LATS1: variants seen among roughly 807,000 people sequenced by gnomAD.
LATS1 encodes serine/threonine-protein kinase LATS1.
LATS1 carries 25 observed loss-of-function variants against 106.6 expected under a neutral mutation model. The observed-to-expected ratio is 0.23, with a 90% CI of 0.17 to 0.33. The LOEUF (loss-of-function observed/expected upper bound fraction) is 0.33. LATS1 is among the 10% of genes least tolerant of loss of function. The pLI is 1.00. For missense variants in LATS1, 1,040 were observed against 1,382.6 expected (o/e 0.75, Z 3.93); for synonymous variants, 465 against 455.6 (o/e 1.02, Z -0.26).
chr6:149,684,379 G>T lies in LATS1; in HGVS notation c.710C>A (p.Pro237Gln), dbSNP rs56149740. 747 of 1,613,882 alleles carry T rather than the reference G, an allele frequency of 4.6e-4. 4 individuals carry two copies. In the East Asian group the frequency reaches 0.015, roughly 32 times the overall value. ...HPSNGQRVNP[P>Q]PPPQVRSVTP... ...AACACTCCTTACTTGAGGTGGTGGT[G>T]GGGGGTTCACTCTCTGTCCGTTGCT... The change falls in exon 4 of 8, where the codon CCA (proline) becomes CAA (glutamine). Residue 237 changes from proline to glutamine, a missense_variant. By Grantham distance (76) the Pro-to-Gln change is moderately conservative. This residue lies in a region of LATS1 where 624 missense variants were observed against 714.8 expected (regional missense o/e 0.87). Transcript: ENST00000543571.
chr6:149,676,321 A>G lies in LATS1; in HGVS notation c.2822T>C (p.Phe941Ser). 1 of 1,613,848 alleles carries G rather than the reference A, an allele frequency of 6.2e-7. No homozygotes were observed. Among genetic ancestry groups the G allele is most frequent in the Non-Finnish European group, 8.5e-7 (1 of 1,179,728 alleles). Residue 941 changes from phenylalanine (F) to serine (S), a missense_variant, in exon 7 of 8, where the codon TTT (phenylalanine) becomes TCT (serine). Phe to Ser is a radical substitution (Grantham distance 155, BLOSUM62 -2). Transcript: ENST00000543571. ...CDWWSVGVIL[F>S]EMLVGQPPFL... is the part of the protein sequence containing the mutation. ...AGGAGGTTGTCCCACCAACATTTCA[A>G]AAAGAATAACACCAACACTCCACCA... is the stretch of plus-strand genomic sequence containing the variant.
chr6:149,675,215 CAAA>C (rs67049932), intron 7 of LATS1, among the ~76,000 whole-genome samples: 19 of 111,586 alleles, frequency 1.7e-4, no homozygotes, highest in Admixed American at 3.5e-4. Context: ...GACTCTGTAT[CAAA>C]AAAAAAAAAA....
chr6:149,713,415 C>T (rs1386480411), intron 1 of LATS1, among the ~76,000 whole-genome samples: 7 of 151,920 alleles, frequency 4.6e-5, no homozygotes, highest in Non-Finnish European at 1.0e-4. Flanking sequence ...CTGCCTCAGC[C>T]TCCCAAGTAG....
chr6:149,694,932 C>A, intron 3 of LATS1, 142 bp downstream of exon 3: 1 of 661,522 alleles, frequency 1.5e-6, no homozygotes, highest in South Asian at 2.6e-5. Context: ...TTTGGTATAA[C>A]ATTATAATGT....
At chr6:149,679,575 TTGTC>T (rs1370543445) in intron 5 of LATS1, among the ~76,000 whole-genome samples, 2 of 152,028 alleles carry the variant, frequency 1.3e-5, no homozygotes, top group Non-Finnish European at 2.9e-5. Flanking sequence ...AAAAAATTGT[TTGTC>T]TGGCATATTT....
At chr6:149,692,796 T>C (rs2114889710) in intron 3 of LATS1, among the ~76,000 whole-genome samples, 1 of 152,008 alleles carries the variant, frequency 6.6e-6, no homozygotes, top group South Asian at 2.1e-4. Flanking sequence ...TGCCTGAGCC[T>C]CTCAAGTAGC....
At chr6:149,675,491 G>A (rs1781668251) in intron 7 of LATS1, among the ~76,000 whole-genome samples, 1 of 152,088 alleles carries the variant, frequency 6.6e-6, no homozygotes. Flanking sequence ...AAGGAGACAA[G>A]GCCAGGAGGC....
In LATS1 at chr6:149,676,266, TTG is replaced by T. The variant is rs1217122826; in HGVS notation, c.2875_2876del (p.Gln959AsnfsTer17). 6.2e-7 allele frequency: 1 copy of T among 1,604,156 alleles called. No homozygotes were observed. The highest frequency in any genetic ancestry group is 8.5e-7 in the Non-Finnish European group (1 of 1,170,946). On this transcript the variant is annotated frameshift_variant, in exon 7 of 8. Transcript: ENST00000543571. LOFTEE classifies it high-confidence loss of function. ...PFLAQTPLET[Q>X]MKVINWQTSL... ...TATAGATGCCATACCTTACCTTCAT[TTG>T]TGTTTCTAATGGTGTTTGTGCCAAG...
chr6:149,692,858 G>C (rs1782845033), intron 3 of LATS1, among the ~76,000 whole-genome samples: 1 of 151,920 alleles, frequency 6.6e-6, no homozygotes, highest in South Asian at 2.1e-4. Flanking sequence ...ATTTTTAGTA[G>C]AGACGAGGTT....
chr6:149,679,379 C>T (rs1227633776), intron 5 of LATS1, among the ~76,000 whole-genome samples: 1 of 151,720 alleles, frequency 6.6e-6, no homozygotes, highest in African/African-American at 2.4e-5. Context: ...TGGTGAAACC[C>T]CATCTCTATT....
chr6:149,697,489 G>A (rs544984693), intron 2 of LATS1, among the ~76,000 whole-genome samples: 9 of 152,100 alleles, frequency 5.9e-5, no homozygotes, highest in African/African-American at 1.7e-4. Context: ...TGAGCTAATC[G>A]TAATTAACTG....
At chr6:149,690,679 TGGGACTACA>T in intron 3 of LATS1, among the ~76,000 whole-genome samples, 1 of 151,878 alleles carries the variant, frequency 6.6e-6, no homozygotes, top group Non-Finnish European at 1.5e-5. Flanking sequence ...CCTGAGTAGG[TGGGACTACA>T]GGCACATGTC....
chr6:149,707,104 C>T (rs1262061667), intron 1 of LATS1, among the ~76,000 whole-genome samples: 5 of 150,056 alleles, frequency 3.3e-5, no homozygotes, highest in African/African-American at 4.9e-5. Flanking sequence ...CAACCTCTGC[C>T]TCCCTGGTTC....
rs370088696 is a variant in LATS1, at chr6:149,687,322, C to G, written c.497-2730G>C. On this transcript the variant is annotated intron_variant, in intron 3 of 7. Coordinates refer to ENST00000543571, the MANE Select transcript of LATS1 (RefSeq NM_004690.4). ...GTCAGGCTGGTCTTGAACTCCTGACCTCAGGTGATCCGCCCACCTCAGCAT... is the reference window on the plus strand; with the variant it reads ...GTCAGGCTGGTCTTGAACTCCTGACGTCAGGTGATCCGCCCACCTCAGCAT... 2.7e-4 allele frequency among the ~76,000 whole-genome samples: 41 copies of G among 152,196 alleles called. No individual in the cohort carries two copies. In the East Asian group the frequency reaches 6.8e-3, roughly 25 times the overall value.
chr6:149,668,751 C>G (rs1781294256), intron 7 of LATS1, among the ~76,000 whole-genome samples: 1 of 151,906 alleles, frequency 6.6e-6, no homozygotes, highest in African/African-American at 2.4e-5. Flanking sequence ...AGCCTGTCAC[C>G]TTGAGTTCTT....
chr6:149,683,007 C>T, intron 4 of LATS1, 72 bp downstream of exon 4: 2 of 1,207,248 alleles, frequency 1.7e-6, no homozygotes, highest in Non-Finnish European at 2.3e-6. Context: ...AAATACTGGA[C>T]ACAATATTTT....
intron 3 of LATS1, among the ~76,000 whole-genome samples, chr6:149,693,023 G>A (rs1782858153): frequency 6.6e-6 from 1 of 151,768 alleles, no homozygotes; most frequent in South Asian, 2.1e-4. Flanking sequence ...CCAGCACTTC[G>A]GGAGGCTGAG....
intron 1 of LATS1, among the ~76,000 whole-genome samples, chr6:149,706,096 T>C (rs1298618312): frequency 7.3e-6 from 1 of 136,884 alleles, no homozygotes; most frequent in Non-Finnish European, 1.5e-5. Flanking sequence ...GGCAGGAGAA[T>C]CGCTTGAACC....
chr6:149,703,799 A>G (rs927613650), intron 1 of LATS1, among the ~76,000 whole-genome samples: 3 of 152,208 alleles, frequency 2.0e-5, no homozygotes, highest in Non-Finnish European at 4.4e-5. Flanking sequence ...GGTTATCAAC[A>G]TCTAATAAAT....
Sources: gnomAD v4.1 joint callset for allele counts (sites outside exome capture counted in the v4.1 genomes callset) on GRCh38, gnomAD v4.1.1 for gene constraint, gnomAD v4.1.1 regional missense constraint, MANE v1.5 for transcripts, NCBI Gene and HGNC (gene_info 2026-07-23, HGNC 2026-07-21) for gene names.